The following SMAD4 variants were observed in gnomAD, a reference collection of about 807,000 sequenced individuals.
SMAD4 encodes SMAD family member 4.
A neutral mutation model predicts 63.2 loss-of-function variants in SMAD4; 7 were observed. The observed-to-expected ratio is 0.11, with a 90% CI of 0.06 to 0.21. The LOEUF is 0.21. Among genes scored for constraint, SMAD4 ranks in the 10% least tolerant of loss-of-function variants. The pLI, the probability that SMAD4 is intolerant of heterozygous loss-of-function variation, is 1.00. For missense variants in SMAD4, 312 were observed against 693.8 expected (o/e 0.45, Z 6.18); for synonymous variants, 215 against 235.4 (o/e 0.91, Z 0.79).
chr18:51,078,538 TGAA>T lies in SMAD4; in HGVS notation c.*74_*76del. On this transcript the variant is annotated 3_prime_UTR_variant, in exon 12 of 12. Coordinates refer to ENST00000342988, the MANE Select transcript of SMAD4 (RefSeq NM_005359.6). ...ACAAAATACAATCCTGTTTATAATCTGAAGATATATTTCACTTTTGTTCTGCTT... is the reference window on the plus strand; with the variant it reads ...ACAAAATACAATCCTGTTTATAATCTGATATATTTCACTTTTGTTCTGCTT... The T allele has an allele frequency of 9.5e-7, 1 of 1,055,148 alleles. No homozygotes were observed. Among genetic ancestry groups the T allele is most frequent in the African/African-American group, 1.6e-5 (1 of 63,354 alleles). The allele number at this position is 1,055,148 out of a possible 1,614,324, so 65.4% of individuals were successfully genotyped here. A position where few individuals can be genotyped will look rare whatever the true frequency, so the allele number is the denominator to read the frequency against.
At chr18:51,035,179 C>T (rs1440785173) in intron 1 of SMAD4, among the ~76,000 whole-genome samples, 1 of 152,172 alleles carries the variant, frequency 6.6e-6, no homozygotes, top group African/African-American at 2.4e-5. Context: ...TCACCTATTC[C>T]TTTCTCCTCT....
chr18:51,048,642 T>A, intron 2 of SMAD4, 44 bp from the exon 3 acceptor site: 1 of 1,542,310 alleles, frequency 6.5e-7, no homozygotes, highest in Non-Finnish European at 9.0e-7. Flanking sequence ...TAAAAGTGTC[T>A]TGCATAATGT....
At chr18:51,053,106 C>T (rs922198686) in intron 4 of SMAD4, 10 of 152,066 alleles carry the variant, frequency 6.6e-5, no homozygotes, top group Admixed American at 2.0e-4. Context: ...TGTTTAAAAG[C>T]AGAATACAGT....
rs1910609642 is a variant in SMAD4 at position 51,081,383 on chromosome 18, G to A, written c.*2916G>A. The A allele has an allele frequency of 4.4e-6, 1 of 229,824 alleles. No individual in the cohort carries two copies. Among genetic ancestry groups the A allele is most frequent in the Non-Finnish European group, 8.6e-6 (1 of 116,124 alleles). 14.2% of individuals were successfully genotyped at this position (229,824 alleles called of 1,614,324 possible). A position where few individuals can be genotyped will look rare whatever the true frequency, so the allele number is the denominator to read the frequency against. The stretch of plus-strand genomic sequence containing the variant: ...TTCATGGTGTTGCCTTTATTTTCCG[G>A]GGAGTAGATCGTGGGATATAGTCTA... On this transcript the variant is annotated 3_prime_UTR_variant, in exon 12 of 12. Transcript: ENST00000342988.
chr18:51,035,386 C>G (rs1909174663), intron 1 of SMAD4, among the ~76,000 whole-genome samples: 1 of 152,164 alleles, frequency 6.6e-6, no homozygotes, highest in South Asian at 2.1e-4. Context: ...AGCATCTGAA[C>G]TCCCTGTGGG....
Position 51,059,932 on chromosome 18 carries a change from AATTGATTTCCTGTATTTAG to A in SMAD4, c.955+25_955+43del, listed in dbSNP as rs1555686098. 1.3e-6 allele frequency: 2 copies of A among 1,596,380 alleles called. No homozygotes were observed. Among genetic ancestry groups the A allele is most frequent in the Non-Finnish European group, 1.7e-6 (2 of 1,164,948 alleles). The stretch of plus-strand genomic sequence containing the variant: ...AATCATCCTGGTAAGTGTATTTCAA[AATTGATTTCCTGTATTTAG>A]ATTGATTTAGTGGTGATTGAAACGC... On this transcript the variant is annotated intron_variant, in intron 8 of 11. Transcript: ENST00000342988.
rs549995868 is a variant in SMAD4 at position 51,084,893 on chromosome 18, G to A, written c.*6426G>A. The A allele has an allele frequency of 2.7e-5, 6 of 221,976 alleles. No homozygotes were observed. The South Asian group carries it at 9.2e-4, about 34-fold the overall frequency. 13.8% of individuals were successfully genotyped at this position (221,976 alleles called of 1,614,324 possible). A position where few individuals can be genotyped will look rare whatever the true frequency, so the allele number is the denominator to read the frequency against. On this transcript the variant is annotated 3_prime_UTR_variant, in exon 12 of 12. Coordinates refer to ENST00000342988, the MANE Select transcript of SMAD4 (RefSeq NM_005359.6). ...AGCCACTCGTAGCTTCTGCTTTGGG[G>A]ACAACTGGTCAGTTGAAAGTCCCAG... is the stretch of plus-strand genomic sequence containing the variant.
At chr18:51,045,334 T>TA (rs1221865400) in intron 1 of SMAD4, among the ~76,000 whole-genome samples, 1 of 152,168 alleles carries the variant, frequency 6.6e-6, no homozygotes, top group Non-Finnish European at 1.5e-5. Context: ...AAGTATGCAG[T>TA]AAAAGAAAAT....
At chr18:51,067,385 A>G (rs1431012251) in intron 10 of SMAD4, among the ~76,000 whole-genome samples, 198 bp downstream of exon 10, 3 of 151,924 alleles carry the variant, frequency 2.0e-5, no homozygotes, top group Non-Finnish European at 4.4e-5. Context: ...CCAATTTGTT[A>G]CATTTTGTTT....
intron 4 of SMAD4, among the ~76,000 whole-genome samples, chr18:51,049,749 G>A (rs1909652063): frequency 6.6e-6 from 1 of 152,042 alleles, no homozygotes; most frequent in African/African-American, 2.4e-5. Context: ...CTTCATTTCA[G>A]CCTAACATTT....
chr18:51,033,500 T>G (rs1001381675), intron 1 of SMAD4, among the ~76,000 whole-genome samples: 39 of 152,194 alleles, frequency 2.6e-4, no homozygotes, highest in African/African-American at 8.2e-4. Context: ...TATAACAGCA[T>G]TTAATACAGT....
In SMAD4 at chr18:51,079,346, ACT is replaced by A. The variant is rs1910550674; in HGVS notation, c.*882_*883del. The A allele has an allele frequency of 4.3e-6, 1 of 233,320 alleles. No individual in the cohort carries two copies. The highest frequency in any genetic ancestry group is 8.5e-6 in the Non-Finnish European group (1 of 117,934). The allele number at this position is 233,320 out of a possible 1,614,324, so 14.5% of individuals were successfully genotyped here. A position where few individuals can be genotyped will look rare whatever the true frequency, so the allele number is the denominator to read the frequency against. ...TTTTTAAAACACTAAAAGCAGCGTC[ACT>A]CTACCTAATGTCTCACTGTTCTGCA... On this transcript the variant is annotated 3_prime_UTR_variant, in exon 12 of 12. Coordinates refer to ENST00000342988, the MANE Select transcript of SMAD4 (RefSeq NM_005359.6).
intron 1 of SMAD4, among the ~76,000 whole-genome samples, chr18:51,037,991 T>TA (rs1048607713): frequency 2.0e-5 from 3 of 151,876 alleles, no homozygotes; most frequent in Non-Finnish European, 4.4e-5. Flanking sequence ...GGAATGTGAT[T>TA]AAAAAAAATA....
At chr18:51,049,392 A>G in intron 4 of SMAD4, 68 bp downstream of exon 4, 2 of 1,195,352 alleles carry the variant, frequency 1.7e-6, no homozygotes, top group South Asian at 1.2e-5. Context: ...TTGTTGACCT[A>G]GAATTAGTTT....
chr18:51,033,623 G>A (rs771024460), intron 1 of SMAD4, among the ~76,000 whole-genome samples: 2 of 152,198 alleles, frequency 1.3e-5, no homozygotes, highest in Non-Finnish European at 2.9e-5. Flanking sequence ...ATTCATTTGA[G>A]CTACTTGTAG....
chr18:51,073,402 C>T (rs796065878), intron 10 of SMAD4, among the ~76,000 whole-genome samples: 10,841 of 113,318 alleles, frequency 0.096, 486 homozygotes, highest in East Asian at 0.21. Context: ...CACACACACA[C>T]ACACACACAC....
rs1184665124 is a variant in SMAD4 at position 51,081,324 on chromosome 18, C to G, written c.*2857C>G. On this transcript the variant is annotated 3_prime_UTR_variant, in exon 12 of 12. Coordinates refer to ENST00000342988, the MANE Select transcript of SMAD4 (RefSeq NM_005359.6). ...CCGTAAGACCTCATTCCATGTTTGTCCAGTGCCTTTCAGTGCATTATCAAA... is the reference window on the plus strand; with the variant it reads ...CCGTAAGACCTCATTCCATGTTTGTGCAGTGCCTTTCAGTGCATTATCAAA... The G allele has an allele frequency of 4.4e-6, 1 of 228,456 alleles. No homozygotes were observed. The highest frequency in any genetic ancestry group is 2.2e-5 in the African/African-American group (1 of 45,040). 14.2% of individuals were successfully genotyped at this position (228,456 alleles called of 1,614,324 possible).
At chr18:51,075,928 A>G (rs1022203455) in intron 10 of SMAD4, among the ~76,000 whole-genome samples, 2 of 152,226 alleles carry the variant, frequency 1.3e-5, no homozygotes, top group Non-Finnish European at 2.9e-5. Context: ...TATAATTAGC[A>G]GGTATCGGTG....
At chr18:51,049,586 A>G in intron 4 of SMAD4, 1 of 425,890 alleles carries the variant, frequency 2.3e-6, no homozygotes, top group Non-Finnish European at 4.2e-6. Flanking sequence ...GGAATGCACC[A>G]AAAACAAATA....
Sources: gnomAD v4.1 joint callset for allele counts (sites outside exome capture counted in the v4.1 genomes callset) on GRCh38, gnomAD v4.1.1 for gene constraint, MANE v1.5 for transcripts, NCBI Gene and HGNC (gene_info 2026-07-23, HGNC 2026-07-21) for gene names.